The following HSD17B12 variants were observed in gnomAD, a reference collection of about 807,000 sequenced individuals.
HSD17B12 encodes the protein hydroxysteroid 17-beta dehydrogenase 12, also known as very-long-chain 3-oxoacyl-CoA reductase.
HSD17B12 carries 32 observed loss-of-function variants against 39.3 expected under a neutral mutation model. That is an observed-to-expected ratio of 0.81 (90% confidence interval 0.61 to 1.09). HSD17B12 has a LOEUF of 1.09. HSD17B12 is among the 50% of genes least tolerant of loss of function. The pLI is 0.00. For synonymous variants in HSD17B12, 150 were observed against 146.7 expected (o/e 1.02, Z -0.16); for missense variants, 342 against 382.9 (o/e 0.89, Z 0.89).
intron 6 of HSD17B12, among the ~76,000 whole-genome samples, chr11:43,820,313 A>G (rs1036873497): frequency 2.6e-5 from 4 of 152,196 alleles, no homozygotes; most frequent in African/African-American, 9.7e-5. Context: ...TTTATGATGC[A>G]TGTGTTTTTC....
At chr11:43,742,200 CAATCAT>C (rs1950374124) in intron 1 of HSD17B12, among the ~76,000 whole-genome samples, 4 of 149,538 alleles carry the variant, frequency 2.7e-5, no homozygotes, top group African/African-American at 9.9e-5. Flanking sequence ...TACAGTGCCG[CAATCAT>C]AACTCACTTC....
Position 43,798,423 on chromosome 11 carries a change from C to G in HSD17B12, c.387C>G (p.Ile129Met), listed in dbSNP as rs1425841879. The G allele has an allele frequency of 1.3e-6, 2 of 1,598,604 alleles. No homozygotes were observed. The highest frequency in any genetic ancestry group is 8.6e-7 in the Non-Finnish European group (1 of 1,168,836). The stretch of plus-strand genomic sequence containing the variant: ...GCTTGGCTGGTCTTGAAATCGGCAT[C>G]TTAGGTTTGTATTTTTGCCACATTT... ...KTGLAGLEIG[I>M]LVNNVGMSYE... is the part of the protein sequence containing the mutation. Residue 129 changes from isoleucine to methionine, a missense_variant, in exon 4 of 11, where the codon ATC becomes ATG. By Grantham distance (10) the Ile-to-Met change is conservative. Coordinates refer to ENST00000278353, the MANE Select transcript of HSD17B12 (RefSeq NM_016142.3).
intron 4 of HSD17B12, among the ~76,000 whole-genome samples, chr11:43,814,715 C>T (rs995169100): frequency 1.3e-5 from 2 of 151,948 alleles, no homozygotes; most frequent in African/African-American, 2.4e-5. Context: ...TTAGTCTGAC[C>T]CACTCCCTTG....
At chr11:43,820,076 G>A (rs1268609511) in intron 6 of HSD17B12, among the ~76,000 whole-genome samples, 2 of 152,088 alleles carry the variant, frequency 1.3e-5, no homozygotes, top group Non-Finnish European at 2.9e-5. Flanking sequence ...GTTGACTAGT[G>A]ACCATTCAGA....
At chr11:43,664,931 T>A in the HSD17B12 span, among the ~76,000 whole-genome samples, 1 of 152,200 alleles carries the variant, frequency 6.6e-6, no homozygotes, top group Non-Finnish European at 1.5e-5. Context: ...AAATGTCTCG[T>A]TCATGAAACG....
chr11:43,766,732 G>A (rs1242988979), intron 3 of HSD17B12, among the ~76,000 whole-genome samples: 1 of 152,180 alleles, frequency 6.6e-6, no homozygotes, highest in African/African-American at 2.4e-5. Flanking sequence ...AAGAACTACT[G>A]TGAAACTTCC....
At chr11:43,712,842 C>T (rs1027546721) in intron 1 of HSD17B12, among the ~76,000 whole-genome samples, 1 of 152,076 alleles carries the variant, frequency 6.6e-6, no homozygotes, top group African/African-American at 2.4e-5. Context: ...ATGAGTTATC[C>T]TTCATTGGAG....
At chr11:43,687,583 A>C (rs1949813358) in intron 1 of HSD17B12, among the ~76,000 whole-genome samples, 1 of 152,204 alleles carries the variant, frequency 6.6e-6, no homozygotes, top group South Asian at 2.1e-4. Flanking sequence ...GGCAGAAGGA[A>C]AAGCAGTTGC....
At chr11:43,606,139 T>G in the HSD17B12 span, among the ~76,000 whole-genome samples, 1 of 152,206 alleles carries the variant, frequency 6.6e-6, no homozygotes, top group African/African-American at 2.4e-5. Context: ...TGTAACTATC[T>G]CCATGAAGGG....
chr11:43,603,589 A>G, the HSD17B12 span, among the ~76,000 whole-genome samples: 1 of 152,184 alleles, frequency 6.6e-6, no homozygotes, highest in Admixed American at 6.5e-5. Context: ...TTGAAGAAAA[A>G]TGTTGTAAGT....
chr11:43,681,079 T>G, intron 1 of HSD17B12, 92 bp downstream of exon 1: 5 of 1,399,004 alleles, frequency 3.6e-6, no homozygotes, highest in Non-Finnish European at 3.7e-6. Flanking sequence ...GCTCCTGGCC[T>G]TCCCCTCCCC....
At chr11:43,714,103 G>C (rs978137881) in intron 1 of HSD17B12, among the ~76,000 whole-genome samples, 1 of 152,088 alleles carries the variant, frequency 6.6e-6, no homozygotes, top group Non-Finnish European at 1.5e-5. Flanking sequence ...AGTTTCTTTT[G>C]CTGTGCAGAA....
At chr11:43,820,796 G>A (rs987744194) in intron 6 of HSD17B12, among the ~76,000 whole-genome samples, 9 of 152,212 alleles carry the variant, frequency 5.9e-5, no homozygotes, top group Admixed American at 5.9e-4. Context: ...CTTTGGGCTT[G>A]TGCCCCCTAC....
At chr11:43,757,660 A>AC (rs1950521593) in intron 3 of HSD17B12, among the ~76,000 whole-genome samples, 1 of 143,618 alleles carries the variant, frequency 7.0e-6, no homozygotes, top group African/African-American at 2.6e-5. Context: ...AAAAAAAAAA[A>AC]AAAAAAACAA....
At chr11:43,774,027 T>C (rs1047892558) in intron 3 of HSD17B12, among the ~76,000 whole-genome samples, 4 of 152,174 alleles carry the variant, frequency 2.6e-5, no homozygotes, top group African/African-American at 9.7e-5. Flanking sequence ...ATGTGTATGC[T>C]TATAGAAACC....
chr11:43,812,784 G>A (rs946022683), intron 4 of HSD17B12, among the ~76,000 whole-genome samples: 15 of 152,144 alleles, frequency 9.9e-5, no homozygotes, highest in Non-Finnish European at 1.8e-4. Context: ...TGAATAAATA[G>A]CTTTGATAGC....
At chr11:43,618,232 A>G in the HSD17B12 span, among the ~76,000 whole-genome samples, 2 of 152,174 alleles carry the variant, frequency 1.3e-5, no homozygotes. Context: ...TAATAACAAC[A>G]AGATAGCTTT....
the HSD17B12 span, among the ~76,000 whole-genome samples, chr11:43,653,646 T>C: frequency 1.3e-5 from 2 of 152,004 alleles, no homozygotes; most frequent in Non-Finnish European, 2.9e-5. Flanking sequence ...TGAGAACATG[T>C]GGTGTTTGGT....
chr11:43,660,510 A>G, the HSD17B12 span, among the ~76,000 whole-genome samples: 1 of 152,238 alleles, frequency 6.6e-6, no homozygotes, highest in African/African-American at 2.4e-5. Flanking sequence ...AATTAAAGTC[A>G]CATTGAGACA....
Sources: gnomAD v4.1 joint callset for allele counts (sites outside exome capture counted in the v4.1 genomes callset) on GRCh38, gnomAD v4.1.1 for gene constraint, MANE v1.5 for transcripts, NCBI Gene and HGNC (gene_info 2026-07-23, HGNC 2026-07-21) for gene names.